Variants in MAGI1 observed in about 807,000 individuals in gnomAD.
The protein encoded by MAGI1 is membrane-associated guanylate kinase, WW and PDZ domain-containing protein 1.
Under a neutral mutation model 139.9 loss-of-function variants are expected in MAGI1, and 58 were observed. The observed-to-expected ratio is 0.41, with a 90% CI of 0.34 to 0.52. The LOEUF (loss-of-function observed/expected upper bound fraction) is 0.52. Among genes scored for constraint, MAGI1 ranks in the 20% least tolerant of loss-of-function variants. The pLI, the probability that MAGI1 is intolerant of heterozygous loss-of-function variation, is 0.12. For missense variants in MAGI1, 1,874 were observed against 1,901.6 expected, an observed-to-expected ratio of 0.99 and a Z score of 0.27; for synonymous variants, 812 against 737.9, an observed-to-expected ratio of 1.10 and a Z score of -1.63.
chr3:65,641,896 T>C lies in MAGI1; in HGVS notation c.314-19808A>G, dbSNP rs148553101. ...TGAGAAAAGTCATCAGTAACTGATATGTAGTTTGAAGAACAGACATCAAAT... is the reference window on the plus strand; with the variant it reads ...TGAGAAAAGTCATCAGTAACTGATACGTAGTTTGAAGAACAGACATCAAAT... On this transcript the variant is annotated intron_variant, in intron 1 of 22. Coordinates refer to ENST00000402939, the MANE Select transcript of MAGI1 (RefSeq NM_001033057.2). Among the ~76,000 whole-genome samples the C allele has an allele frequency of 1.4e-4, 21 of 152,326 alleles. No individual in the cohort carries two copies. In the East Asian group the frequency reaches 3.7e-3, roughly 27 times the overall value.
At chr3:65,599,412 C>T (rs1338359911) in intron 2 of MAGI1, among the ~76,000 whole-genome samples, 1 of 152,066 alleles carries the variant, frequency 6.6e-6, no homozygotes, top group Non-Finnish European at 1.5e-5. Context: ...CTGAAAAATC[C>T]AGGGTGTGGA....
intron 1 of MAGI1, among the ~76,000 whole-genome samples, chr3:65,944,216 C>G (rs1001475680): frequency 6.6e-6 from 1 of 152,074 alleles, no homozygotes; most frequent in Non-Finnish European, 1.5e-5. Flanking sequence ...GGCAAGATAG[C>G]AGAAATTGAA....
chr3:65,375,694 CAGAGAGAGAGAAAAAG>C, intron 18 of MAGI1, 35 bp downstream of exon 18: 1 of 1,390,496 alleles, frequency 7.2e-7, no homozygotes, highest in Non-Finnish European at 1.0e-6. Context: ...AAGACAGAGA[CAGAGAGAGAGAAAAAG>C]AGAGAGAGAG....
chr3:65,546,565 T>C (rs2079518370), intron 2 of MAGI1, among the ~76,000 whole-genome samples: 1 of 152,218 alleles, frequency 6.6e-6, no homozygotes, highest in Non-Finnish European at 1.5e-5. Flanking sequence ...AATGACTTAG[T>C]TTTCACTTAT....
intron 2 of MAGI1, among the ~76,000 whole-genome samples, chr3:65,515,568 T>A (rs906651780): frequency 2.6e-5 from 4 of 152,178 alleles, no homozygotes; most frequent in Non-Finnish European, 5.9e-5. Flanking sequence ...ATTTCTCTTT[T>A]CAGATATAAA....
chr3:65,422,068 C>T (rs1946666142), intron 12 of MAGI1, among the ~76,000 whole-genome samples: 1 of 152,122 alleles, frequency 6.6e-6, no homozygotes, highest in Non-Finnish European at 1.5e-5. Flanking sequence ...TCTGAGGGTG[C>T]AATAATTAAA....
At chr3:65,818,608 G>T (rs2041756746) in intron 1 of MAGI1, among the ~76,000 whole-genome samples, 1 of 152,166 alleles carries the variant, frequency 6.6e-6, no homozygotes, top group African/African-American at 2.4e-5. Context: ...CGCAGCAATG[G>T]ACAAAACACT....
intron 1 of MAGI1, among the ~76,000 whole-genome samples, chr3:65,882,999 T>C (rs191999354): frequency 4.1e-4 from 62 of 151,292 alleles, no homozygotes; most frequent in African/African-American, 1.5e-3. Context: ...AAAGGACAAG[T>C]TGACCTCACA....
At chr3:65,867,876 AG>A (rs1262504959) in intron 1 of MAGI1, among the ~76,000 whole-genome samples, 2 of 152,144 alleles carry the variant, frequency 1.3e-5, no homozygotes, top group African/African-American at 4.8e-5. Flanking sequence ...TCTGCACTGG[AG>A]ACTCAGGGTC....
Position 65,696,194 on chromosome 3 carries a change from C to T in MAGI1, c.314-74106G>A, listed in dbSNP as rs1393667756. On this transcript the variant is annotated intron_variant, in intron 1 of 22. Transcript: ENST00000402939. ...AACATCCCCCTTCCCTAACTTTCTGCAGGTACCTATTCAACTCACCTTATC... is the reference window on the plus strand; with the variant it reads ...AACATCCCCCTTCCCTAACTTTCTGTAGGTACCTATTCAACTCACCTTATC... 2.6e-5 allele frequency among the ~76,000 whole-genome samples: 4 copies of T among 152,260 alleles called. No individual in the cohort carries two copies. In the East Asian group the frequency reaches 7.7e-4, roughly 29 times the overall value.
chr3:65,922,340 T>A (rs1460015894), intron 1 of MAGI1, among the ~76,000 whole-genome samples: 1 of 152,182 alleles, frequency 6.6e-6, no homozygotes, highest in East Asian at 1.9e-4. Flanking sequence ...TTTGCAGATA[T>A]AATCAGTTGA....
chr3:66,032,772 C>G (rs1349758205), intron 1 of MAGI1, among the ~76,000 whole-genome samples: 1 of 151,208 alleles, frequency 6.6e-6, no homozygotes, highest in Non-Finnish European at 1.5e-5. Context: ...AAAAATTAGC[C>G]AGGCATGGTG....
intron 2 of MAGI1, among the ~76,000 whole-genome samples, chr3:65,531,520 C>A (rs1027704784): frequency 6.6e-6 from 1 of 152,180 alleles, no homozygotes; most frequent in Non-Finnish European, 1.5e-5. Context: ...CAGTATAATA[C>A]TTATTTCTAG....
intron 5 of MAGI1, among the ~76,000 whole-genome samples, chr3:65,454,733 A>T (rs1559568117): frequency 7.7e-6 from 1 of 130,592 alleles, no homozygotes. Context: ...TCAAAAAAAA[A>T]AACATATGGC....
intron 1 of MAGI1, chr3:65,688,047 A>C (rs2088216873): frequency 8.9e-6 from 7 of 784,572 alleles, no homozygotes; most frequent in Non-Finnish European, 1.6e-5. Context: ...TAGGCCTACT[A>C]AGTCATTATG....
chr3:65,447,037 T>A (rs1948723513), intron 7 of MAGI1, among the ~76,000 whole-genome samples: 1 of 152,218 alleles, frequency 6.6e-6, no homozygotes, highest in Non-Finnish European at 1.5e-5. Context: ...AGACTTATAT[T>A]TTCAGGTCTT....
chr3:65,920,519 A>C (rs550467941), intron 1 of MAGI1, among the ~76,000 whole-genome samples: 6 of 152,282 alleles, frequency 3.9e-5, no homozygotes, highest in Admixed American at 6.5e-5. Context: ...CAATCACCTC[A>C]AGGCATTCCA....
At chr3:65,857,750 T>C (rs2059417945) in intron 1 of MAGI1, among the ~76,000 whole-genome samples, 1 of 152,196 alleles carries the variant, frequency 6.6e-6, no homozygotes, top group South Asian at 2.1e-4. Context: ...GGTGGTGCTG[T>C]AGTCTGCCAC....
intron 1 of MAGI1, among the ~76,000 whole-genome samples, chr3:65,683,090 G>A (rs1203030635): frequency 6.6e-6 from 1 of 152,112 alleles, no homozygotes; most frequent in East Asian, 1.9e-4. Flanking sequence ...GCAGAGCTCA[G>A]GGAGTAATGC....
Sources: allele counts gnomAD v4.1 joint callset (sites outside exome capture counted in the v4.1 genomes callset), GRCh38; gene constraint gnomAD v4.1.1; transcripts MANE v1.5; gene names NCBI Gene and HGNC (gene_info 2026-07-23, HGNC 2026-07-21).